Variants in PLEKHA6 observed in about 807,000 individuals in gnomAD.
PLEKHA6 encodes pleckstrin homology domain containing A6.
Under a neutral mutation model 116.7 loss-of-function variants are expected in PLEKHA6, and 60 were observed. The ratio of observed to expected loss-of-function variants is 0.51; its 90% confidence interval spans 0.42 to 0.64. The LOEUF is 0.64. Ranked by LOEUF, PLEKHA6 falls within the 30% of genes least tolerant of loss-of-function variation. The pLI, the probability that PLEKHA6 is intolerant of heterozygous loss-of-function variation, is 0.00. For synonymous variants in PLEKHA6, 489 were observed against 556.1 expected (o/e 0.88, Z 1.70); for missense variants, 1,338 against 1,422.7 (o/e 0.94, Z 0.96).
intron 1 of PLEKHA6, among the ~76,000 whole-genome samples, chr1:204,288,419 C>T (rs141865069): frequency 3.3e-5 from 5 of 152,346 alleles, no homozygotes; most frequent in Admixed American, 6.5e-5. Context: ...CAGGCCGCCC[C>T]GCCTGATTGG....
intron 3 of PLEKHA6, among the ~76,000 whole-genome samples, chr1:204,269,473 C>T (rs1222492052): frequency 6.7e-6 from 1 of 148,540 alleles, no homozygotes; most frequent in Non-Finnish European, 1.5e-5. Flanking sequence ...CACTGCCATA[C>T]AGATGAGGTT....
At chr1:204,245,335 T>C (rs1481013280) in intron 14 of PLEKHA6, among the ~76,000 whole-genome samples, 1 of 151,590 alleles carries the variant, frequency 6.6e-6, no homozygotes, top group Non-Finnish European at 1.5e-5. Context: ...CCCATGTGCT[T>C]GGGGGCTGGG....
At chr1:204,286,428 G>A (rs1669184623) in intron 1 of PLEKHA6, among the ~76,000 whole-genome samples, 1 of 152,010 alleles carries the variant, frequency 6.6e-6, no homozygotes, top group Non-Finnish European at 1.5e-5. Flanking sequence ...GAGGGGAACA[G>A]AGAGGAGGAA....
intron 1 of PLEKHA6, among the ~76,000 whole-genome samples, chr1:204,375,965 TG>T (rs1673862630): frequency 7.0e-6 from 1 of 143,204 alleles, no homozygotes; most frequent in Non-Finnish European, 1.5e-5. Context: ...CTTCCTCCTC[TG>T]GGAAGCCCTC....
intron 1 of PLEKHA6, chr1:204,301,285 A>G (rs904660949): frequency 8.5e-5 from 83 of 975,132 alleles, no homozygotes; most frequent in Non-Finnish European, 9.5e-5. Context: ...CACTTGCCTC[A>G]TCACCAGTCT....
At chr1:204,319,201 G>A (rs1022105101) in intron 1 of PLEKHA6, among the ~76,000 whole-genome samples, 3 of 152,264 alleles carry the variant, frequency 2.0e-5, no homozygotes, top group East Asian at 1.9e-4. Context: ...CCCGTGAGGC[G>A]CCCACAGTCC....
intron 1 of PLEKHA6, among the ~76,000 whole-genome samples, chr1:204,293,027 C>T (rs1669930771): frequency 6.6e-6 from 1 of 152,144 alleles, no homozygotes; most frequent in Non-Finnish European, 1.5e-5. Flanking sequence ...CACCTCTCTC[C>T]CCCAACTTGT....
Position 204,372,860 on chromosome 1 carries a change from A to G in PLEKHA6, c.84-1254T>C, listed in dbSNP as rs115747990. Among the ~76,000 whole-genome samples the G allele has an allele frequency of 5.5e-3, 830 of 151,386 alleles. 6 individuals carry two copies. Among genetic ancestry groups the G allele is most frequent in the African/African-American group, 0.019 (789 of 41,218 alleles). ...GAGTTTTATATAAAAGGAATCATACAATCATACAATACAGTCATGCAATCA... is the reference window on the plus strand; with the variant it reads ...GAGTTTTATATAAAAGGAATCATACGATCATACAATACAGTCATGCAATCA... On this transcript the variant is annotated intron_variant, in intron 1 of 4. Coordinates refer to the PLEKHA6 transcript ENST00000564627.
intron 1 of PLEKHA6, chr1:204,371,756 A>G (rs1361488206): frequency 6.6e-6 from 1 of 152,256 alleles, no homozygotes; most frequent in Non-Finnish European, 1.5e-5. Flanking sequence ...TCACATTCAC[A>G]GAGAATTATT....
At chr1:204,325,881 A>G (rs1005466751) in intron 1 of PLEKHA6, 8 of 982,630 alleles carry the variant, frequency 8.1e-6, no homozygotes, top group Admixed American at 1.2e-4. Flanking sequence ...GGGGAGAAGT[A>G]GTAGCTGCCA....
In PLEKHA6 at chr1:204,348,998, G is replaced by A. The variant is rs147873428; in HGVS notation, c.-95+10696C>T. On this transcript the variant is annotated intron_variant, in intron 1 of 22. Transcript: ENST00000272203. ...TCGGGAGGGGTTAGCTTCAGCCCAC[G>A]CAGCTAGCCCCACCCATCCTTCCCG... 2.6e-4 allele frequency among the ~76,000 whole-genome samples: 39 copies of A among 152,240 alleles called. 1 individual carries two copies. In the East Asian group the frequency reaches 7.0e-3, roughly 27 times the overall value.
At chr1:204,246,375 A>G (rs1343823360) in intron 13 of PLEKHA6, among the ~76,000 whole-genome samples, 2 of 152,236 alleles carry the variant, frequency 1.3e-5, no homozygotes, top group African/African-American at 4.8e-5. Context: ...CATCATCTCA[A>G]TATGGGTCTA....
intron 1 of PLEKHA6, among the ~76,000 whole-genome samples, chr1:204,321,019 G>C (rs576442926): frequency 1.3e-5 from 2 of 152,180 alleles, no homozygotes; most frequent in South Asian, 4.2e-4. Flanking sequence ...GATGATGAAG[G>C]GGGAGGTCCA....
intron 3 of PLEKHA6, among the ~76,000 whole-genome samples, chr1:204,270,875 C>T (rs1238805767): frequency 7.9e-5 from 12 of 152,326 alleles, no homozygotes; most frequent in African/African-American, 1.9e-4. Context: ...TCCATCCTCC[C>T]GTGCCTTTCG....
chr1:204,259,301 C>T lies in PLEKHA6; in HGVS notation c.964G>A (p.Val322Met). Residue 322 changes from valine (V) to methionine (M), a missense_variant, in exon 8 of 23, where the codon GTG becomes ATG. Physicochemically the swap from Val to Met is conservative, Grantham distance 21. Coordinates refer to ENST00000272203, the MANE Select transcript of PLEKHA6 (RefSeq NM_014935.5). The surrounding 1 kb of genome is among the most constrained non-coding windows in gnomAD (Gnocchi z 4.6). ...KSSMNQLQQW[V>M]NLRRGVPPPE... ...GGGGGTACCCCCCGGCGCAGATTCA[C>T]CCACTGCTGAAGCTGGTTCATGGAG... 1 of 1,614,182 alleles carries T rather than the reference C, an allele frequency of 6.2e-7. No individual in the cohort carries two copies. Among genetic ancestry groups the T allele is most frequent in the Non-Finnish European group, 8.5e-7 (1 of 1,180,036 alleles).
intron 1 of PLEKHA6, chr1:204,311,819 C>T (rs1331289868): frequency 3.5e-6 from 1 of 283,764 alleles, no homozygotes; most frequent in African/African-American, 2.3e-5. Context: ...CACAATCACC[C>T]ATGGCCATGC....
Position 204,359,751 on chromosome 1 carries a change from AC to A in PLEKHA6, c.-153del. 1.0e-6 allele frequency: 1 copy of A among 955,784 alleles called. No homozygotes were observed. The highest frequency in any genetic ancestry group is 1.2e-6 in the Non-Finnish European group (1 of 802,884). 59.2% of individuals were successfully genotyped at this position (955,784 alleles called of 1,614,324 possible). ...GCTCTAACTCTGCGAGCCCCAAGGC[AC>A]CCCTCCCCCCAGCTCAGGCCAGCTG... On this transcript the variant is annotated 5_prime_UTR_variant, in exon 1 of 23. Coordinates refer to ENST00000272203, the MANE Select transcript of PLEKHA6 (RefSeq NM_014935.5).
At chr1:204,337,763 G>A (rs547387453) in intron 1 of PLEKHA6, among the ~76,000 whole-genome samples, 3 of 152,280 alleles carry the variant, frequency 2.0e-5, no homozygotes, top group African/African-American at 7.2e-5. Flanking sequence ...CCAGTGGAAG[G>A]GGAGGAGCAA....
chr1:204,266,501 A>G (rs1037433100), intron 5 of PLEKHA6, among the ~76,000 whole-genome samples: 21 of 152,008 alleles, frequency 1.4e-4, no homozygotes, highest in Admixed American at 1.3e-3. Flanking sequence ...GAGGTTCAGC[A>G]CCTCGGTCCT....
Sources: allele counts gnomAD v4.1 joint callset (sites outside exome capture counted in the v4.1 genomes callset), GRCh38; gene constraint gnomAD v4.1.1; non-coding constraint Gnocchi (gnomAD v3.1); transcripts MANE v1.5; gene names NCBI Gene and HGNC (gene_info 2026-07-23, HGNC 2026-07-21).